The following SLC5A10 variants were observed in gnomAD, a reference collection of about 807,000 sequenced individuals.
The protein encoded by SLC5A10 is sodium/mannose cotransporter SLC5A10.
In SLC5A10, 55 loss-of-function variants were observed where a neutral mutation model predicts 68.9. The ratio of observed to expected loss-of-function variants is 0.80; its 90% confidence interval spans 0.64 to 1.00. The LOEUF is 1.00. SLC5A10 is among the 50% of genes least tolerant of loss of function. The pLI is 0.00. For missense variants in SLC5A10, 732 were observed against 819.3 expected, an observed-to-expected ratio of 0.89 and a Z score of 1.30; for synonymous variants, 344 against 344.8, an observed-to-expected ratio of 1.00 and a Z score of 0.02.
At chr17:18,982,753 G>A (rs1218021567) in intron 9 of SLC5A10, among the ~76,000 whole-genome samples, 2 of 152,226 alleles carry the variant, frequency 1.3e-5, no homozygotes, top group Non-Finnish European at 2.9e-5. Flanking sequence ...CCGCTGGTGC[G>A]AGGCAGAGGG....
chr17:19,001,065 A>G (rs75511380), intron 9 of SLC5A10, among the ~76,000 whole-genome samples: 17 of 152,220 alleles, frequency 1.1e-4, no homozygotes, highest in Non-Finnish European at 2.4e-4. Flanking sequence ...AGAACTAGCT[A>G]GGTGACCTTG....
chr17:18,979,700 T>G, intron 9 of SLC5A10: 1 of 1,612,044 alleles, frequency 6.2e-7, no homozygotes, highest in Non-Finnish European at 8.5e-7. Context: ...GAGACAGAAT[T>G]ACACGACTGC....
rs914374577 is a variant in SLC5A10, at chr17:19,004,128, G to C, written c.983-9282G>C. On this transcript the variant is annotated intron_variant, in intron 9 of 14. Transcript: ENST00000395645. This position sits in a 1 kb window ranked among gnomAD's most constrained non-coding sequence, Gnocchi z 5.4. Reference sequence around the variant, plus strand: ...GGCCCAGCTGGGGCACCGCGCGCTCGGGGGCCTCTCCGCGGCCTCTGCTTC... The same window carrying C: ...GGCCCAGCTGGGGCACCGCGCGCTCCGGGGCCTCTCCGCGGCCTCTGCTTC... 5 of 1,329,948 alleles carry C rather than the reference G, an allele frequency of 3.8e-6. No individual in the cohort carries two copies. The highest frequency in any genetic ancestry group is 2.4e-5 in the East Asian group (1 of 41,690). The allele number at this position is 1,329,948 out of a possible 1,614,324, so 82.4% of individuals were successfully genotyped here.
At chr17:18,978,179 C>G (rs2043033591) in intron 9 of SLC5A10, 3 of 1,546,888 alleles carry the variant, frequency 1.9e-6, no homozygotes, top group Non-Finnish European at 2.6e-6. Flanking sequence ...CTCAGGGTCC[C>G]CCTGGGGGAG....
intron 1 of SLC5A10, among the ~76,000 whole-genome samples, chr17:18,953,078 C>T (rs2042405989): frequency 6.6e-6 from 1 of 151,912 alleles, no homozygotes. Flanking sequence ...AGGTCCCCAG[C>T]CTGGCATCCC....
intron 9 of SLC5A10, among the ~76,000 whole-genome samples, chr17:19,002,097 A>G (rs2043743550): frequency 6.6e-6 from 1 of 151,458 alleles, no homozygotes; most frequent in Admixed American, 6.6e-5. Flanking sequence ...TCTGCAAACT[A>G]TGAAGGTCCC....
rs1196141021 is a variant in SLC5A10, at chr17:19,015,169, C to CCGGCGAG, written c.1215_1221dup (p.Glu408ArgfsTer139). On this transcript the variant is annotated frameshift_variant, in exon 11 of 15. Coordinates refer to ENST00000395645, the MANE Select transcript of SLC5A10 (RefSeq NM_001042450.4). LOFTEE classifies it high-confidence loss of function. The stretch of plus-strand genomic sequence containing the variant: ...ATCTGGAGGCGGCTGCGTCCCCGCT[C>CCGGCGAG]CGGCGAGCGGGAGCTCCTGCTGGTG... 6.6e-6 allele frequency: 9 copies of CCGGCGAG among 1,367,856 alleles called. No individual in the cohort carries two copies. Among genetic ancestry groups the CCGGCGAG allele is most frequent in the Non-Finnish European group, 7.9e-6 (8 of 1,006,556 alleles). 84.7% of individuals were successfully genotyped at this position (1,367,856 alleles called of 1,614,324 possible).
Position 19,017,338 on chromosome 17 carries a change from G to T in SLC5A10, c.1242-2085G>T, listed in dbSNP as rs1185454663. 1 of 1,552,008 alleles carries T rather than the reference G, an allele frequency of 6.4e-7. No homozygotes were observed. The highest frequency in any genetic ancestry group is 8.7e-7 in the Non-Finnish European group (1 of 1,147,064). On this transcript the variant is annotated intron_variant, in intron 11 of 14. Transcript: ENST00000395645. This position sits in a 1 kb window ranked among gnomAD's most constrained non-coding sequence, Gnocchi z 5.6. ...CTCAAAGCCGTCTCAGCTTCCTCCT[G>T]CCCGAAACACCACCATTGGAGCGGT...
At chr17:18,988,672 C>T (rs918926876) in intron 9 of SLC5A10, among the ~76,000 whole-genome samples, 5 of 152,266 alleles carry the variant, frequency 3.3e-5, no homozygotes, top group African/African-American at 9.6e-5. Flanking sequence ...GGGCCGGCTA[C>T]GCTCTGCCCT....
chr17:18,957,281 A>T (rs2042522757), intron 1 of SLC5A10, among the ~76,000 whole-genome samples: 1 of 152,150 alleles, frequency 6.6e-6, no homozygotes, highest in Admixed American at 6.5e-5. Flanking sequence ...ACAGGATTTT[A>T]CTCTCAGACG....
In SLC5A10 at chr17:19,020,710, C is replaced by A; in HGVS notation, c.*279C>A. On this transcript the variant is annotated 3_prime_UTR_variant, in exon 15 of 15. Transcript: ENST00000395645. ...ATCCTGATGTTGGTTTTACTGTTTT[C>A]GTTTTGAATACACAGGCTGGGTCAG... The A allele has an allele frequency of 2.1e-6, 1 of 472,716 alleles. No homozygotes were observed. Among genetic ancestry groups the A allele is most frequent in the Non-Finnish European group, 3.9e-6 (1 of 257,590 alleles). 29.3% of individuals were successfully genotyped at this position (472,716 alleles called of 1,614,324 possible).
chr17:19,021,890 G>T lies in SLC5A10; in HGVS notation c.*1459G>T. ...CCGTGTGACTCTGACAGAGCTGGGG[G>T]TGTCCATGTCCTCTCTGGACCTCAG... On this transcript the variant is annotated 3_prime_UTR_variant, in exon 15 of 15. Transcript: ENST00000395645. This position sits in a 1 kb window ranked among gnomAD's most constrained non-coding sequence, Gnocchi z 4.1. 1 of 1,399,694 alleles carries T rather than the reference G, an allele frequency of 7.1e-7. No individual in the cohort carries two copies. The highest frequency in any genetic ancestry group is 1.5e-5 in the African/African-American group (1 of 67,908). 86.7% of individuals were successfully genotyped at this position (1,399,694 alleles called of 1,614,324 possible).
intron 9 of SLC5A10, among the ~76,000 whole-genome samples, chr17:18,990,068 G>C (rs2043375570): frequency 1.3e-5 from 2 of 152,222 alleles, no homozygotes; most frequent in African/African-American, 4.8e-5. Context: ...CTGAAGGGCT[G>C]TTTTGGGGCA....
At position 18,969,120 on chromosome 17, in the gene SLC5A10, C is replaced by T. The variant is rs761569547; in HGVS notation, c.522C>T (p.Ile174=). 110 of 1,614,028 alleles carry T rather than the reference C, an allele frequency of 6.8e-5. No individual in the cohort carries two copies. Among genetic ancestry groups the T allele is most frequent in the Non-Finnish European group, 8.9e-5 (105 of 1,179,994 alleles). ...GCTGGAACTTCTACCTCTCCACCAT[C>T]CTCACGCTCGGCATCACAGCCCTGT... ...CLGWNFYLST[I]LTLGITALYT... Residue 174 remains isoleucine, a synonymous_variant, in exon 6 of 15, where the codon ATC becomes ATT. Transcript: ENST00000395645.
At chr17:18,959,034 A>G in intron 2 of SLC5A10, 101 bp from the exon 3 acceptor site, 1 of 1,176,968 alleles carries the variant, frequency 8.5e-7, no homozygotes, top group East Asian at 2.5e-5. Flanking sequence ...TGGGGCTAGG[A>G]CCCCGCTTAG....
chr17:18,997,633 G>A (rs145541414), intron 9 of SLC5A10, among the ~76,000 whole-genome samples: 1 of 152,214 alleles, frequency 6.6e-6, no homozygotes, highest in Non-Finnish European at 1.5e-5. Context: ...CTTGCCCAAG[G>A]TCACAAAGCA....
At chr17:18,960,442 A>G (rs1206867579) in intron 4 of SLC5A10, 106 bp from the exon 5 acceptor site, 92 of 1,011,552 alleles carry the variant, frequency 9.1e-5, no homozygotes, top group Non-Finnish European at 1.3e-4. Context: ...AGAGGCTCGC[A>G]GCTGCTTTGT....
chr17:18,971,617 C>T lies in SLC5A10; in HGVS notation c.846+399C>T. 1.9e-6 allele frequency: 3 copies of T among 1,613,430 alleles called. No individual in the cohort carries two copies. The highest frequency in any genetic ancestry group is 2.5e-6 in the Non-Finnish European group (3 of 1,179,948). On this transcript the variant is annotated intron_variant, in intron 8 of 14. Transcript: ENST00000395645. The surrounding 1 kb of genome is among the most constrained non-coding windows in gnomAD (Gnocchi z 5.5). ...TGGCCTGCCAGTGGTGGGGGCCAGC[C>T]ATGGCTGGGCCAGCGTTTCTGGTAG...
At chr17:19,014,581 A>G (rs1237721540) in intron 10 of SLC5A10, among the ~76,000 whole-genome samples, 2 of 152,166 alleles carry the variant, frequency 1.3e-5, no homozygotes, top group Non-Finnish European at 2.9e-5. Context: ...CTTCCTCACC[A>G]ACCCCACCGC....
Sources: allele counts gnomAD v4.1 joint callset (sites outside exome capture counted in the v4.1 genomes callset), GRCh38; gene constraint gnomAD v4.1.1; non-coding constraint Gnocchi (gnomAD v3.1); transcripts MANE v1.5; gene names NCBI Gene and HGNC (gene_info 2026-07-23, HGNC 2026-07-21).